Variants in MCM3AP observed in about 807,000 individuals in gnomAD.
MCM3AP encodes the protein germinal-center associated nuclear protein.
MCM3AP carries 126 observed loss-of-function variants against 184.1 expected under a neutral mutation model. That is an observed-to-expected ratio of 0.68 (90% CI 0.59 to 0.79). The LOEUF is 0.79. Ranked by LOEUF, MCM3AP falls within the 30% of genes least tolerant of loss-of-function variation. The pLI, the probability that MCM3AP is intolerant of heterozygous loss-of-function variation, is 0.00. For synonymous variants in MCM3AP, 1,002 were observed against 979.3 expected, an observed-to-expected ratio of 1.02 and a Z score of -0.43; for missense variants, 2,496 against 2,479.2, an observed-to-expected ratio of 1.01 and a Z score of -0.14.
intron 2 of MCM3AP, among the ~76,000 whole-genome samples, chr21:46,283,142 G>T (rs929117977): frequency 6.6e-6 from 1 of 152,102 alleles, no homozygotes; most frequent in East Asian, 1.9e-4. Flanking sequence ...AGCCAGGATG[G>T]TCTGGATCTC....
Position 46,237,723 on chromosome 21 carries a change from A to G in MCM3AP, c.5634-744T>C, listed in dbSNP as rs889324561. 1.7e-5 allele frequency among the ~76,000 whole-genome samples: 2 copies of G among 118,166 alleles called. 1 individual carries two copies. Among genetic ancestry groups the G allele is most frequent in the African/African-American group, 6.9e-5 (2 of 29,074 alleles). 77.5% of individuals were successfully genotyped at this position (118,166 alleles called of 152,430 possible). On this transcript the variant is annotated intron_variant, in intron 26 of 27. Coordinates refer to ENST00000291688, the MANE Select transcript of MCM3AP (RefSeq NM_003906.5). ...TAAGCCTTTGCTTTTTACTAAGAATATAACTAAGTTATGACATCAACTGAG... is the reference window on the plus strand; with the variant it reads ...TAAGCCTTTGCTTTTTACTAAGAATGTAACTAAGTTATGACATCAACTGAG...
Position 46,244,956 on chromosome 21 carries a change from T to C in MCM3AP, c.4889A>G (p.Asp1630Gly). 6.2e-7 allele frequency: 1 copy of C among 1,614,054 alleles called. No homozygotes were observed. Among genetic ancestry groups the C allele is most frequent in the South Asian group, 1.1e-5 (1 of 91,080 alleles). ...ASVVSSEQLCDLSWPVTEFAE... is the reference protein window; with the variant it reads ...ASVVSSEQLCGLSWPVTEFAE... ...AAACTCAGTGACAGGCCAGGACAGG[T>C]CACACAGCTGTTCAGAGGACACCAC... is the stretch of plus-strand genomic sequence containing the variant. Residue 1630 changes from aspartate to glycine, a missense_variant, in exon 23 of 28, where the codon GAC (aspartate) becomes GGC (glycine). This residue lies in a region of MCM3AP where 1,323 missense variants were observed against 1,273.4 expected (regional missense o/e 1.04). Transcript: ENST00000291688.
chr21:46,262,965 CA>C (rs34666984), intron 13 of MCM3AP, among the ~76,000 whole-genome samples: 14,409 of 45,904 alleles, frequency 0.31, 294 homozygotes, highest in Middle Eastern at 0.38. Context: ...GACTCCGTCT[CA>C]AAAAAAAAAA....
chr21:46,251,886 T>TTC lies in MCM3AP; in HGVS notation c.4137-205_4137-204insGA. 1.2e-5 allele frequency: 4 copies of TTC among 324,232 alleles called. No individual in the cohort carries two copies. In the East Asian group the frequency reaches 2.0e-4, roughly 16 times the overall value. 20.1% of individuals were successfully genotyped at this position (324,232 alleles called of 1,614,324 possible). A position where few individuals can be genotyped will look rare whatever the true frequency, so the allele number is the denominator to read the frequency against. On this transcript the variant is annotated intron_variant, in intron 19 of 27. Transcript: ENST00000291688. ...AGCAACGATCTGTACTCGTTCTTTT[T>TTC]TTTTTTTTTTTTTTTTTGAGCCAGG...
intron 14 of MCM3AP, 95 bp from the exon 15 acceptor site, chr21:46,261,001 G>A (rs2081034111): frequency 3.8e-6 from 4 of 1,046,064 alleles, no homozygotes; most frequent in Admixed American, 1.9e-5. Context: ...AGGGATTGAG[G>A]TGTGCTGCCT....
chr21:46,271,332 T>G (rs566116213), intron 8 of MCM3AP, among the ~76,000 whole-genome samples: 3 of 151,236 alleles, frequency 2.0e-5, no homozygotes, highest in South Asian at 2.1e-4. Flanking sequence ...CTGGGTTTTT[T>G]TTTTTTTTTT....
At chr21:46,277,473 C>G in intron 5 of MCM3AP, 54 bp downstream of exon 5, 1 of 1,420,806 alleles carries the variant, frequency 7.0e-7, no homozygotes, top group East Asian at 2.5e-5. Context: ...CCTGATGGCA[C>G]CCAAGATGAC....
chr21:46,278,753 A>T (rs906062512), intron 4 of MCM3AP, among the ~76,000 whole-genome samples: 1 of 151,698 alleles, frequency 6.6e-6, no homozygotes, highest in Non-Finnish European at 1.5e-5. Context: ...GGCTCACTGC[A>T]AGCTCCGCCT....
At position 46,254,385 on chromosome 21, in the gene MCM3AP, T is replaced by A. The variant is rs755544586; in HGVS notation, c.4136+7A>T. 1.2e-6 allele frequency: 2 copies of A among 1,612,630 alleles called. No individual in the cohort carries two copies. Among genetic ancestry groups the A allele is most frequent in the South Asian group, 2.2e-5 (2 of 91,052 alleles). The stretch of plus-strand genomic sequence containing the variant: ...TGGAAACCCCACAGGGGAAAACCCT[T>A]CCTGACCTGCCACAACTCTCTGGGG... On this transcript the variant is annotated splice_region_variant and intron_variant, in intron 19 of 27. Transcript: ENST00000291688.
rs768387150 is a variant in MCM3AP, at chr21:46,241,068, A to G, written c.5427-51T>C. 2.3e-6 allele frequency: 3 copies of G among 1,325,958 alleles called. No homozygotes were observed. The Admixed American group carries it at 5.1e-5, about 23-fold the overall frequency. The allele number at this position is 1,325,958 out of a possible 1,614,324, so 82.1% of individuals were successfully genotyped here. A position where few individuals can be genotyped will look rare whatever the true frequency, so the allele number is the denominator to read the frequency against. On this transcript the variant is annotated intron_variant, in intron 25 of 27. Coordinates refer to ENST00000291688, the MANE Select transcript of MCM3AP (RefSeq NM_003906.5). Reference sequence around the variant, plus strand: ...TATGGTCAAGAGAAAATATTTCTACAGCATCATGTAAAGCATGTAGATACA... The same window carrying G: ...TATGGTCAAGAGAAAATATTTCTACGGCATCATGTAAAGCATGTAGATACA...
intron 20 of MCM3AP, chr21:46,247,608 C>A (rs903303974): frequency 6.6e-6 from 1 of 152,042 alleles, no homozygotes; most frequent in Admixed American, 6.6e-5. Flanking sequence ...CAGCCTGCCT[C>A]GGCCTCCCAA....
chr21:46,277,842 A>G, intron 4 of MCM3AP, 125 bp from the exon 5 acceptor site: 1 of 517,934 alleles, frequency 1.9e-6, no homozygotes, highest in Non-Finnish European at 3.4e-6. Context: ...AACTACAAGC[A>G]CTGAAATGAG....
At chr21:46,272,232 C>A (rs1405139380) in intron 8 of MCM3AP, among the ~76,000 whole-genome samples, 1 of 152,212 alleles carries the variant, frequency 6.6e-6, no homozygotes, top group Non-Finnish European at 1.5e-5. Flanking sequence ...CCTTGCAGGG[C>A]ACCTGGAACT....
intron 13 of MCM3AP, among the ~76,000 whole-genome samples, chr21:46,262,263 C>T (rs1175131368): frequency 6.6e-6 from 1 of 152,146 alleles, no homozygotes; most frequent in Non-Finnish European, 1.5e-5. Flanking sequence ...CAAATCCTTT[C>T]AAAAAACTGA....
Position 46,246,718 on chromosome 21 carries a change from G to GGAGCTGCTT in MCM3AP, c.4450_4458dup (p.Lys1484_Leu1486dup), listed in dbSNP as rs2080777752. 1 of 1,614,120 alleles carries GGAGCTGCTT rather than the reference G, an allele frequency of 6.2e-7. No homozygotes were observed. ...GCAGGCTGGAAGGGCTTAGCCTGCAGGAGCTGCTTGAGCTGCAGCAAGGCC... is the reference window on the plus strand; with the variant it reads ...GCAGGCTGGAAGGGCTTAGCCTGCAGGAGCTGCTTGAGCTGCTTGAGCTGCAGCAAGGCC... On this transcript the variant is annotated inframe_insertion, in exon 21 of 28. Coordinates refer to ENST00000291688, the MANE Select transcript of MCM3AP (RefSeq NM_003906.5).
intron 20 of MCM3AP, among the ~76,000 whole-genome samples, chr21:46,248,922 A>C (rs2080823992): frequency 6.6e-6 from 1 of 152,194 alleles, no homozygotes; most frequent in East Asian, 1.9e-4. Context: ...TATCTAATAG[A>C]AGTTCAAGAG....
Position 46,270,565 on chromosome 21 carries a change from T to C in MCM3AP, c.2466-2A>G, listed in dbSNP as rs1254612936. 3 of 1,592,634 alleles carry C rather than the reference T, an allele frequency of 1.9e-6. No individual in the cohort carries two copies. The highest frequency in any genetic ancestry group is 2.6e-6 in the Non-Finnish European group (3 of 1,171,862). ...GCAGGATGGAACTGTTGTACTTCTC[T>C]GTTAATTAAAGGAGAGAAAAGGGGT... On this transcript the variant is annotated splice_acceptor_variant, in intron 8 of 27. Coordinates refer to ENST00000291688, the MANE Select transcript of MCM3AP (RefSeq NM_003906.5). LOFTEE classifies it high-confidence loss of function.
At position 46,280,497 on chromosome 21, in the gene MCM3AP, T is replaced by C. The variant is rs777841301; in HGVS notation, c.1522A>G (p.Ser508Gly). The change falls in exon 3 of 28, where the codon AGC becomes GGC. Residue 508 changes from serine (S) to glycine (G), a missense_variant and splice_region_variant. By Grantham distance (56) the Ser-to-Gly change is moderately conservative (BLOSUM62 0). This residue lies in a region of MCM3AP where 800 missense variants were observed against 717.1 expected (regional missense o/e 1.12). Coordinates refer to ENST00000291688, the MANE Select transcript of MCM3AP (RefSeq NM_003906.5). ...MAIFWHRKKI[S>G]PNKKPFSLKE... ...GTGAAAAGAATAATTGAAAACTCAC[T>C]TATTTTCTTCCTGTGCCAAAAGATA... 6 of 1,600,982 alleles carry C rather than the reference T, an allele frequency of 3.7e-6. No individual in the cohort carries two copies. In the Admixed American group the frequency reaches 1.0e-4, roughly 27 times the overall value.
chr21:46,279,941 C>T lies in MCM3AP; in HGVS notation c.1667+52G>A, dbSNP rs139349158. 151 of 1,557,410 alleles carry T rather than the reference C, an allele frequency of 9.7e-5. No individual in the cohort carries two copies. The East Asian group carries it at 1.0e-3, about 10-fold the overall frequency. On this transcript the variant is annotated intron_variant, in intron 4 of 27. Coordinates refer to ENST00000291688, the MANE Select transcript of MCM3AP (RefSeq NM_003906.5). ...CCCTGACTCAGGTGTCGCTATAGGGCGCTATTTCCTGGTCCTTCCGGAATA... is the reference window on the plus strand; with the variant it reads ...CCCTGACTCAGGTGTCGCTATAGGGTGCTATTTCCTGGTCCTTCCGGAATA...
Sources: gnomAD v4.1 joint callset for allele counts (sites outside exome capture counted in the v4.1 genomes callset) on GRCh38, gnomAD v4.1.1 for gene constraint, gnomAD v4.1.1 regional missense constraint, MANE v1.5 for transcripts, NCBI Gene and HGNC (gene_info 2026-07-23, HGNC 2026-07-21) for gene names.